ATP9B: variants seen among roughly 807,000 people sequenced by gnomAD.
ATP9B encodes probable phospholipid-transporting ATPase IIB.
ATP9B carries 110 observed loss-of-function variants against 146.1 expected under a neutral mutation model. The observed-to-expected ratio is 0.75, with a 90% CI of 0.65 to 0.88. ATP9B has a LOEUF of 0.88. Ranked by LOEUF, ATP9B falls within the 40% of genes least tolerant of loss-of-function variation. The pLI is 0.00. For missense variants in ATP9B, 1,499 were observed against 1,496.4 expected (o/e 1.00, Z -0.03); for synonymous variants, 604 against 569.7 (o/e 1.06, Z -0.86).
Position 79,372,843 on chromosome 18 carries a change from A to G in ATP9B, c.3031A>G (p.Lys1011Glu), listed in dbSNP as rs369158081. 8.7e-6 allele frequency: 14 copies of G among 1,611,852 alleles called. No individual in the cohort carries two copies. Among genetic ancestry groups the G allele is most frequent in the African/African-American group, 1.3e-5 (1 of 75,012 alleles). The change falls in exon 27 of 30, where the codon AAA becomes GAA. Residue 1011 changes from lysine to glutamate, a missense_variant. Lys to Glu is a moderately conservative substitution (Grantham distance 56). Coordinates refer to ENST00000426216, the MANE Select transcript of ATP9B (RefSeq NM_198531.5). ...TCCCTAGGGAAGATCCTTGTCCTTC[A>G]AAACCTTCCTCATCTGGGTTTTAAT... ...DLTKGRSLSF[K>E]TFLIWVLISI...
Position 79,356,536 on chromosome 18 carries a change from G to T in ATP9B, c.2904-2818G>T, listed in dbSNP as rs141011317. Among the ~76,000 whole-genome samples the T allele has an allele frequency of 3.2e-3, 487 of 152,312 alleles. 3 individuals carry two copies. The highest frequency in any genetic ancestry group is 0.011 in the African/African-American group (463 of 41,570). ...TGGTTCATTTGCCTGCCACAAAATA[G>T]TAGTCAGCAATAGAAAGAAATAAGC... is the stretch of plus-strand genomic sequence containing the variant. On this transcript the variant is annotated intron_variant, in intron 25 of 29. Coordinates refer to ENST00000426216, the MANE Select transcript of ATP9B (RefSeq NM_198531.5).
intron 6 of ATP9B, among the ~76,000 whole-genome samples, chr18:79,148,780 G>A (rs1309663755): frequency 3.3e-5 from 5 of 152,116 alleles, no homozygotes; most frequent in South Asian, 4.1e-4. Flanking sequence ...ACATAACTAC[G>A]TATACATGTA....
chr18:79,189,639 G>A (rs981228946), intron 8 of ATP9B, among the ~76,000 whole-genome samples: 3 of 152,114 alleles, frequency 2.0e-5, no homozygotes, highest in South Asian at 2.1e-4. Flanking sequence ...AAAATCATAC[G>A]GAAGAGAAAA....
intron 12 of ATP9B, among the ~76,000 whole-genome samples, chr18:79,267,173 C>G (rs1248034284): frequency 6.6e-6 from 1 of 152,008 alleles, no homozygotes; most frequent in Non-Finnish European, 1.5e-5. Context: ...AATTCGTAAT[C>G]AAGTATTTAA....
chr18:79,261,295 G>A (rs1381746049), intron 12 of ATP9B, among the ~76,000 whole-genome samples: 1 of 152,154 alleles, frequency 6.6e-6, no homozygotes, highest in Non-Finnish European at 1.5e-5. Flanking sequence ...CTGTGAGTGG[G>A]ACCTTACTTG....
rs562000715 is a variant in ATP9B, at chr18:79,324,697, C to T, written c.1774-4444C>T. Among the ~76,000 whole-genome samples, 7 of 116,796 alleles carry T rather than the reference C, an allele frequency of 6.0e-5. No individual in the cohort carries two copies. In the East Asian group the frequency reaches 1.1e-3, roughly 18 times the overall value. 76.6% of individuals were successfully genotyped at this position (116,796 alleles called of 152,430 possible). On this transcript the variant is annotated intron_variant, in intron 15 of 29. Coordinates refer to ENST00000426216, the MANE Select transcript of ATP9B (RefSeq NM_198531.5). ...CAGGGTTGATTAATAAGAGTAAAGG[C>T]TCTTTTCCCTTAAATATGGAAACGA...
In ATP9B at chr18:79,347,814, GTTCCGGCA is replaced by G; in HGVS notation, c.2728_2735del (p.Phe910HisfsTer126). ...TGGCGGCCGACTTCTCCATCACGCA[GTTCCGGCA>G]CATAGGCAGGCTGCTCATGGTGCAC... On this transcript the variant is annotated frameshift_variant, in exon 24 of 30. Coordinates refer to ENST00000426216, the MANE Select transcript of ATP9B (RefSeq NM_198531.5). LOFTEE classifies it high-confidence loss of function. The G allele has an allele frequency of 6.2e-7, 1 of 1,612,532 alleles. No individual in the cohort carries two copies. The highest frequency in any genetic ancestry group is 8.5e-7 in the Non-Finnish European group (1 of 1,179,020).
chr18:79,223,661 G>A (rs143796129), intron 11 of ATP9B, among the ~76,000 whole-genome samples: 109 of 152,266 alleles, frequency 7.2e-4, no homozygotes, highest in African/African-American at 2.6e-3. Flanking sequence ...TAGACCCAGG[G>A]TGGCTCTTTG....
chr18:79,332,627 G>C (rs1435089135), intron 17 of ATP9B, among the ~76,000 whole-genome samples: 1 of 152,078 alleles, frequency 6.6e-6, no homozygotes, highest in Non-Finnish European at 1.5e-5. Flanking sequence ...AGCGGAGGCA[G>C]GAGGGGCAAG....
chr18:79,312,961 C>T (rs1250271903), intron 15 of ATP9B, among the ~76,000 whole-genome samples: 1 of 152,186 alleles, frequency 6.6e-6, no homozygotes, highest in African/African-American at 2.4e-5. Context: ...ATGTCGTCAT[C>T]GTATAGAGTT....
intron 1 of ATP9B, among the ~76,000 whole-genome samples, chr18:79,083,765 T>TGAGCTGGGTACCTCAGTTAGAA (rs1329209668): frequency 7.2e-5 from 11 of 152,126 alleles, no homozygotes; most frequent in African/African-American, 2.4e-4. Context: ...CCCAGTGAGA[T>TGAGCTGGGTACCTCAGTTAGAA]GAGCTGGGTA....
At position 79,377,607 on chromosome 18, in the gene ATP9B, G is replaced by A. The variant is rs2097109237; in HGVS notation, c.*224G>A. 3 of 599,756 alleles carry A rather than the reference G, an allele frequency of 5.0e-6. No individual in the cohort carries two copies. The Admixed American group carries it at 9.1e-5, about 18-fold the overall frequency. 37.2% of individuals were successfully genotyped at this position (599,756 alleles called of 1,614,324 possible). A position where few individuals can be genotyped will look rare whatever the true frequency, so the allele number is the denominator to read the frequency against. On this transcript the variant is annotated 3_prime_UTR_variant, in exon 30 of 30. Coordinates refer to ENST00000426216, the MANE Select transcript of ATP9B (RefSeq NM_198531.5). The stretch of plus-strand genomic sequence containing the variant: ...AAGCCCAGGGCACAGATGCCAGGAT[G>A]GCTTCTCCCTCTCAGTGCGAGGCTT...
rs922416237 is a variant in ATP9B at position 79,069,501 on chromosome 18, C to T, written c.91C>T (p.Pro31Ser). The change falls in exon 1 of 30, where the codon CCC becomes TCC. Residue 31 changes from proline (P) to serine (S), a missense_variant. By Grantham distance (74) the Pro-to-Ser change is moderately conservative (BLOSUM62 -1). Transcript: ENST00000426216. Reference protein sequence around the residue: ...KRAAYYSAAGPRPGADRHSRY... With the variant: ...KRAAYYSAAGSRPGADRHSRY... Reference sequence around the variant, plus strand: ...CGCGGCCTACTACAGCGCCGCGGGGCCCAGGCCGGGAGCCGACCGGCACAG... The same window carrying T: ...CGCGGCCTACTACAGCGCCGCGGGGTCCAGGCCGGGAGCCGACCGGCACAG... 5.5e-6 allele frequency: 8 copies of T among 1,454,774 alleles called. No individual in the cohort carries two copies. The highest frequency in any genetic ancestry group is 7.3e-6 in the Non-Finnish European group (8 of 1,102,384). The allele number at this position is 1,454,774 out of a possible 1,614,324, so 90.1% of individuals were successfully genotyped here.
chr18:79,316,180 G>T (rs73973070), intron 15 of ATP9B, among the ~76,000 whole-genome samples: 8,441 of 152,136 alleles, frequency 0.055, 432 homozygotes, highest in African/African-American at 0.14. Context: ...TGATGACATC[G>T]GAAACAGGAT....
chr18:79,328,132 A>AGTGT (rs1227880621), intron 15 of ATP9B, among the ~76,000 whole-genome samples: 16 of 150,766 alleles, frequency 1.1e-4, no homozygotes, highest in African/African-American at 3.2e-4. Flanking sequence ...CTCCGTGGAT[A>AGTGT]GCGTGCTCTC....
At chr18:79,243,917 G>A (rs754651600) in intron 11 of ATP9B, among the ~76,000 whole-genome samples, 6 of 152,082 alleles carry the variant, frequency 3.9e-5, no homozygotes, top group East Asian at 1.9e-4. Flanking sequence ...GCAAGAATTC[G>A]GATGCCAACA....
At position 79,126,362 on chromosome 18, in the gene ATP9B, G is replaced by A. The variant is rs1285609732; in HGVS notation, c.654G>A (p.Lys218=). 6 of 1,609,662 alleles carry A rather than the reference G, an allele frequency of 3.7e-6. No homozygotes were observed. The highest frequency in any genetic ancestry group is 5.1e-6 in the Non-Finnish European group (6 of 1,177,256). The part of the protein sequence containing the change: ...DKEVNSQLYS[K]LTVRGKVQVK... ...AAGTGAATTCACAACTATATAGCAA[G>A]CTTACAGTAAGAGGTCAGCAAGATG... The change falls in exon 5 of 30, where the codon AAG becomes AAA. Residue 218 remains lysine (K), a synonymous_variant. Coordinates refer to ENST00000426216, the MANE Select transcript of ATP9B (RefSeq NM_198531.5).
intron 26 of ATP9B, among the ~76,000 whole-genome samples, chr18:79,366,264 G>A (rs1017871939): frequency 2.0e-5 from 3 of 152,184 alleles, no homozygotes; most frequent in South Asian, 4.1e-4. Context: ...ACACCTGACC[G>A]TGCCTCTCTC....
chr18:79,281,429 G>A (rs1031978637), intron 13 of ATP9B, among the ~76,000 whole-genome samples: 1 of 151,910 alleles, frequency 6.6e-6, no homozygotes, highest in South Asian at 2.1e-4. Flanking sequence ...CCTAGGAGGC[G>A]GAGATCCTGG....
Sources: allele counts gnomAD v4.1 joint callset (sites outside exome capture counted in the v4.1 genomes callset), GRCh38; gene constraint gnomAD v4.1.1; transcripts MANE v1.5; gene names NCBI Gene and HGNC (gene_info 2026-07-23, HGNC 2026-07-21).